The following NCKAP5 variants were observed in gnomAD, a reference collection of about 807,000 sequenced individuals.
The protein encoded by NCKAP5 is NCK associated protein 5, also known as nck-associated protein 5.
Under a neutral mutation model 167.0 loss-of-function variants are expected in NCKAP5, and 92 were observed. That is an observed-to-expected ratio of 0.55 (90% confidence interval 0.47 to 0.66). The LOEUF (loss-of-function observed/expected upper bound fraction) is 0.66. Among genes scored for constraint, NCKAP5 ranks in the 30% least tolerant of loss-of-function variants. The probability of loss-of-function intolerance (pLI) is 0.00; values close to 1 mark genes in which losing one functional copy is unlikely to be tolerated. For synonymous variants in NCKAP5, 891 were observed against 877.4 expected, an observed-to-expected ratio of 1.02 and a Z score of -0.27; for missense variants, 2,378 against 2,315.0, an observed-to-expected ratio of 1.03 and a Z score of -0.56.
intron 19 of NCKAP5, among the ~76,000 whole-genome samples, chr2:132,699,834 G>A (rs1357540930): frequency 3.3e-5 from 5 of 152,064 alleles, no homozygotes; most frequent in Non-Finnish European, 4.4e-5. Context: ...TAATCCTTTG[G>A]GTATATACCC....
intron 3 of NCKAP5, among the ~76,000 whole-genome samples, chr2:133,337,086 T>C (rs1344433844): frequency 2.0e-5 from 3 of 152,200 alleles, no homozygotes; most frequent in African/African-American, 7.2e-5. Context: ...CAGGCCTCTT[T>C]TCAATTTGTT....
At chr2:133,462,813 A>G (rs1574997110) in intron 3 of NCKAP5, among the ~76,000 whole-genome samples, 4 of 152,218 alleles carry the variant, frequency 2.6e-5, no homozygotes, top group East Asian at 1.9e-4. Flanking sequence ...CAAGCATAAG[A>G]GCATGAATAT....
chr2:133,053,531 T>C (rs2079682515), intron 6 of NCKAP5, among the ~76,000 whole-genome samples: 1 of 152,238 alleles, frequency 6.6e-6, no homozygotes, highest in Non-Finnish European at 1.5e-5. Context: ...ATTTTAATTG[T>C]ATGACTTTGT....
chr2:132,805,327 T>C (rs1685345633), intron 11 of NCKAP5, among the ~76,000 whole-genome samples: 1 of 152,130 alleles, frequency 6.6e-6, no homozygotes, highest in Non-Finnish European at 1.5e-5. Context: ...GACTGCAGAG[T>C]TCATGCTCTT....
intron 16 of NCKAP5, among the ~76,000 whole-genome samples, chr2:132,771,854 T>G (rs1256189713): frequency 2.0e-4 from 29 of 146,022 alleles, no homozygotes; most frequent in African/African-American, 7.3e-4. Context: ...TTTTTTTTTT[T>G]TTTTTTTTTT....
intron 15 of NCKAP5, among the ~76,000 whole-genome samples, chr2:132,779,552 G>T (rs1300056586): frequency 1.4e-5 from 2 of 147,550 alleles, no homozygotes; most frequent in African/African-American, 2.5e-5. Context: ...TGTTTTCAAA[G>T]AAGGGATGAT....
chr2:132,692,154 A>ATTTTATTTTTTTTTT (rs1553472635), intron 19 of NCKAP5, among the ~76,000 whole-genome samples: 6 of 141,862 alleles, frequency 4.2e-5, no homozygotes, highest in African/African-American at 1.7e-4. Flanking sequence ...ATTTTATTTT[A>ATTTTATTTTTTTTTT]TTTTTTGAGA....
chr2:133,019,073 ATTC>A (rs1341164129), intron 6 of NCKAP5, among the ~76,000 whole-genome samples: 1 of 152,170 alleles, frequency 6.6e-6, no homozygotes, highest in African/African-American at 2.4e-5. Flanking sequence ...TAGATTCCTA[ATTC>A]TTCTACTTTT....
At chr2:132,743,554 T>C (rs946299916) in intron 16 of NCKAP5, among the ~76,000 whole-genome samples, 1 of 151,486 alleles carries the variant, frequency 6.6e-6, no homozygotes, top group South Asian at 2.1e-4. Flanking sequence ...GTATAGCTAA[T>C]AAGTTACAAG....
At chr2:133,399,166 A>T (rs1687940116) in intron 3 of NCKAP5, among the ~76,000 whole-genome samples, 1 of 152,138 alleles carries the variant, frequency 6.6e-6, no homozygotes, top group Non-Finnish European at 1.5e-5. Flanking sequence ...AGCCCTGATG[A>T]GGTTCTGCTT....
intron 5 of NCKAP5, among the ~76,000 whole-genome samples, chr2:133,132,833 C>T (rs929068352): frequency 3.3e-5 from 5 of 151,940 alleles, no homozygotes; most frequent in Admixed American, 6.6e-5. Context: ...CCCGCAACCA[C>T]GCCCGGCTAA....
intron 6 of NCKAP5, among the ~76,000 whole-genome samples, chr2:133,104,209 C>T (rs1235081899): frequency 1.3e-5 from 2 of 152,232 alleles, no homozygotes; most frequent in African/African-American, 4.8e-5. Context: ...TCCAGCAGCA[C>T]CCCAAGTTGG....
At chr2:133,226,415 T>C (rs946613539) in intron 4 of NCKAP5, among the ~76,000 whole-genome samples, 1 of 152,012 alleles carries the variant, frequency 6.6e-6, no homozygotes, top group African/African-American at 2.4e-5. Flanking sequence ...AACACACCTA[T>C]GGTTCAGCAT....
intron 6 of NCKAP5, among the ~76,000 whole-genome samples, chr2:133,028,587 T>C (rs546038174): frequency 4.6e-4 from 70 of 152,334 alleles, no homozygotes; most frequent in Non-Finnish European, 7.1e-4. Flanking sequence ...ACACTATTTA[T>C]AAGTGAGAAC....
At chr2:132,869,239 T>C (rs1690604061) in intron 9 of NCKAP5, among the ~76,000 whole-genome samples, 1 of 152,192 alleles carries the variant, frequency 6.6e-6, no homozygotes, top group Non-Finnish European at 1.5e-5. Flanking sequence ...CATTTCCATA[T>C]TTGGAAAAAT....
At chr2:133,657,680 T>G in the NCKAP5 span, among the ~76,000 whole-genome samples, 1 of 152,176 alleles carries the variant, frequency 6.6e-6, no homozygotes, top group East Asian at 1.9e-4. Context: ...TATATGTGAT[T>G]AAAATAAGAA....
At chr2:132,711,192 C>T (rs1688810804) in intron 19 of NCKAP5, among the ~76,000 whole-genome samples, 2 of 152,192 alleles carry the variant, frequency 1.3e-5, no homozygotes, top group South Asian at 4.1e-4. Context: ...TATGGATCCC[C>T]TATCCATCCC....
intron 3 of NCKAP5, among the ~76,000 whole-genome samples, chr2:133,414,138 A>ATT: frequency 6.6e-6 from 1 of 152,326 alleles, no homozygotes. Context: ...TTCTGTCATA[A>ATT]CTCAGGAGCC....
At chr2:133,027,149 C>G (rs143133869) in intron 6 of NCKAP5, among the ~76,000 whole-genome samples, 3 of 152,182 alleles carry the variant, frequency 2.0e-5, no homozygotes, top group Admixed American at 1.3e-4. Context: ...TCCCCCATGA[C>G]CTGGTAACCA....
Sources: allele counts gnomAD v4.1 joint callset (sites outside exome capture counted in the v4.1 genomes callset), GRCh38; gene constraint gnomAD v4.1.1; transcripts MANE v1.5; gene names NCBI Gene and HGNC (gene_info 2026-07-23, HGNC 2026-07-21).